PFKFB3: variants seen among roughly 807,000 people sequenced by gnomAD.
PFKFB3 encodes 6-phosphofructo-2-kinase/fructose-2,6-biphosphatase 3, also known as 6-phosphofructo-2-kinase/fructose-2,6-bisphosphatase 3.
In PFKFB3, 33 loss-of-function variants were observed where a neutral mutation model predicts 68.0. The observed-to-expected ratio is 0.49, with a 90% CI of 0.37 to 0.65. The LOEUF is 0.65. Ranked by LOEUF, PFKFB3 falls within the 30% of genes least tolerant of loss-of-function variation. PFKFB3 has a pLI of 0.00. For missense variants in PFKFB3, 586 were observed against 712.2 expected (o/e 0.82, Z 2.02); for synonymous variants, 315 against 288.2 (o/e 1.09, Z -0.94).
At chr10:6,162,004 C>T (rs1327777295) in intron 1 of PFKFB3, among the ~76,000 whole-genome samples, 3 of 152,166 alleles carry the variant, frequency 2.0e-5, no homozygotes, top group African/African-American at 4.8e-5. Context: ...CTTTTTCATC[C>T]TGCAAGACTG....
chr10:6,219,048 C>T (rs758310330), intron 6 of PFKFB3, among the ~76,000 whole-genome samples: 3 of 152,210 alleles, frequency 2.0e-5, no homozygotes, highest in African/African-American at 2.4e-5. Flanking sequence ...GCAAAGGAGC[C>T]GGCACAGCCC....
chr10:6,296,336 C>T, the PFKFB3 span, among the ~76,000 whole-genome samples: 1 of 151,830 alleles, frequency 6.6e-6, no homozygotes, highest in Non-Finnish European at 1.5e-5. Context: ...AAAAAAAGGA[C>T]TCTCAGACCT....
intron 1 of PFKFB3, among the ~76,000 whole-genome samples, chr10:6,187,003 G>C (rs1181404788): frequency 6.6e-6 from 1 of 152,154 alleles, no homozygotes; most frequent in East Asian, 1.9e-4. Context: ...GTGCCGCCAC[G>C]ACTGAAGCTG....
the PFKFB3 span, among the ~76,000 whole-genome samples, chr10:6,325,252 C>T: frequency 6.6e-6 from 1 of 152,236 alleles, no homozygotes; most frequent in African/African-American, 2.4e-5. Context: ...GTGTGAACCA[C>T]TGCGCCCAGC....
At chr10:6,195,486 C>T (rs17151646) in intron 1 of PFKFB3, among the ~76,000 whole-genome samples, 18,359 of 152,204 alleles carry the variant, frequency 0.12, 1,987 homozygotes, top group African/African-American at 0.28. Flanking sequence ...TGTTCAAGGG[C>T]CCCTGCAACC....
chr10:6,153,808 C>T (rs575870615), intron 1 of PFKFB3, among the ~76,000 whole-genome samples: 1 of 151,356 alleles, frequency 6.6e-6, no homozygotes, highest in Non-Finnish European at 1.5e-5. Flanking sequence ...GAGCTGAGAT[C>T]GCGCCACTGC....
chr10:6,202,746 G>C (rs1843414174), upstream of PFKFB3: 1 of 344,734 alleles, frequency 2.9e-6, no homozygotes, highest in South Asian at 7.8e-5. Flanking sequence ...GGGCAGGGCG[G>C]CGGGAGCTGG....
chr10:6,159,927 G>T (rs372006236), intron 1 of PFKFB3, among the ~76,000 whole-genome samples: 1,601 of 144,228 alleles, frequency 0.011, 61 homozygotes, highest in East Asian at 0.1. Flanking sequence ...CCTGGCTATT[G>T]TTTTTTTTTT....
intron 1 of PFKFB3, among the ~76,000 whole-genome samples, chr10:6,207,315 C>T (rs917544168): frequency 1.3e-5 from 2 of 152,222 alleles, no homozygotes; most frequent in African/African-American, 4.8e-5. Context: ...GCGCCTCCTG[C>T]AATCGCAGGC....
At chr10:6,164,472 T>C (rs1842070134) in intron 1 of PFKFB3, among the ~76,000 whole-genome samples, 1 of 152,124 alleles carries the variant, frequency 6.6e-6, no homozygotes, top group African/African-American at 2.4e-5. Context: ...TCTGGAAGTA[T>C]TTGAAAGACT....
chr10:6,159,193 G>A (rs1238775674), intron 1 of PFKFB3, among the ~76,000 whole-genome samples: 3 of 152,050 alleles, frequency 2.0e-5, no homozygotes, highest in Non-Finnish European at 4.4e-5. Context: ...TCAGGAGTTC[G>A]AGATCAGCCT....
At chr10:6,207,631 G>A (rs1332941944) in intron 1 of PFKFB3, among the ~76,000 whole-genome samples, 2 of 152,176 alleles carry the variant, frequency 1.3e-5, no homozygotes, top group Non-Finnish European at 1.5e-5. Flanking sequence ...CTAGGACCCT[G>A]CTTTTTATAG....
intron 1 of PFKFB3, among the ~76,000 whole-genome samples, chr10:6,206,842 G>GC (rs1564619763): frequency 0.032 from 477 of 14,790 alleles, 74 homozygotes; most frequent in Non-Finnish European, 0.055. Context: ...CCCAGACGGG[G>GC]TGGCGGCCGG....
In PFKFB3 at chr10:6,208,233, A is replaced by G. The variant is rs554920316; in HGVS notation, c.76+4897A>G. On this transcript the variant is annotated intron_variant, in intron 1 of 14. Transcript: ENST00000379775. Reference sequence around the variant, plus strand: ...ACTAGGGGCATGTGCTACTGCGCCCAGCTAATTTTTAAAAATATTTTTGCA... The same window carrying G: ...ACTAGGGGCATGTGCTACTGCGCCCGGCTAATTTTTAAAAATATTTTTGCA... 9.2e-5 allele frequency among the ~76,000 whole-genome samples: 14 copies of G among 152,168 alleles called. No homozygotes were observed. In the East Asian group the frequency reaches 1.5e-3, roughly 17 times the overall value.
At chr10:6,180,536 C>A (rs979525772) in intron 1 of PFKFB3, among the ~76,000 whole-genome samples, 1 of 152,168 alleles carries the variant, frequency 6.6e-6, no homozygotes, top group Admixed American at 6.5e-5. Context: ...TCAGCCGTGG[C>A]TCACTGCAGC....
chr10:6,145,974 G>A (rs1345751596), intron 1 of PFKFB3, among the ~76,000 whole-genome samples: 1 of 152,244 alleles, frequency 6.6e-6, no homozygotes, highest in East Asian at 1.9e-4. Flanking sequence ...AGCTGCAGAA[G>A]TGTGGGGAGG....
At chr10:6,290,294 A>T in the PFKFB3 span, among the ~76,000 whole-genome samples, 1 of 149,558 alleles carries the variant, frequency 6.7e-6, no homozygotes, top group African/African-American at 2.5e-5. Flanking sequence ...GTTTTCAAAG[A>T]GAATGCTTCC....
At chr10:6,159,571 A>ATT (rs1841911615) in intron 1 of PFKFB3, among the ~76,000 whole-genome samples, 1 of 151,658 alleles carries the variant, frequency 6.6e-6, no homozygotes, top group Non-Finnish European at 1.5e-5. Flanking sequence ...GCATGCCTGT[A>ATT]ATCCCAGTTA....
At chr10:6,262,137 C>A in the PFKFB3 span, among the ~76,000 whole-genome samples, 16 of 151,756 alleles carry the variant, frequency 1.1e-4, 2 homozygotes, top group Admixed American at 6.6e-4. Flanking sequence ...TCACATGTAC[C>A]CACAAACCTA....
Sources: allele counts gnomAD v4.1 joint callset (sites outside exome capture counted in the v4.1 genomes callset), GRCh38; gene constraint gnomAD v4.1.1; transcripts MANE v1.5; gene names NCBI Gene and HGNC (gene_info 2026-07-23, HGNC 2026-07-21).